Variants in TAAR5 observed in about 807,000 individuals in gnomAD.
The protein encoded by TAAR5 is trace amine-associated receptor 5.
Under a neutral mutation model 21.1 loss-of-function variants are expected in TAAR5, and 27 were observed. The observed-to-expected ratio is 1.28, with a 90% CI of 0.94 to 1.76. TAAR5 has a LOEUF of 1.76. TAAR5 is among the 40% of genes most tolerant of loss of function. The pLI is 0.00. For missense variants in TAAR5, 495 were observed against 405.6 expected, an observed-to-expected ratio of 1.22 and a Z score of -1.89; for synonymous variants, 203 against 167.5, an observed-to-expected ratio of 1.21 and a Z score of -1.64.
At chr6:132,593,801 T>C (rs1025416364), upstream of TAAR5, among the ~76,000 whole-genome samples, 1 of 152,192 alleles carries the variant, frequency 6.6e-6, no homozygotes, top group Non-Finnish European at 1.5e-5. Context: ...AGTAAGACAG[T>C]CCAATTTTAT....
the TAAR5 span, among the ~76,000 whole-genome samples, chr6:132,602,830 G>T: frequency 7.1e-6 from 1 of 141,116 alleles, no homozygotes; most frequent in Non-Finnish European, 1.5e-5. Context: ...TGATCAGAAA[G>T]GATTAGGGCT....
upstream of TAAR5, among the ~76,000 whole-genome samples, chr6:132,590,511 T>C (rs1388736571): frequency 6.6e-6 from 1 of 152,204 alleles, no homozygotes. Context: ...GGAATCAGAA[T>C]CCCTTCCTGG....
In TAAR5 at chr6:132,588,666, G is replaced by T. The variant is rs1582725572; in HGVS notation, c.*7C>A. ...TCCTACTCCTTGCCTGCATTTAGTA[G>T]AAGGAATCATTCTTGGTACAAATCA... On this transcript the variant is annotated 3_prime_UTR_variant, in exon 1 of 1. Transcript: ENST00000258034. 4 of 1,602,812 alleles carry T rather than the reference G, an allele frequency of 2.5e-6. No homozygotes were observed. The Admixed American group carries it at 5.0e-5, about 20-fold the overall frequency.
At chr6:132,613,322 G>A in the TAAR5 span, among the ~76,000 whole-genome samples, 6 of 152,218 alleles carry the variant, frequency 3.9e-5, no homozygotes, top group Non-Finnish European at 7.4e-5. Flanking sequence ...CTGTTTATAC[G>A]TTCAAAGTTG....
At chr6:132,614,572 G>A in the TAAR5 span, among the ~76,000 whole-genome samples, 2 of 152,242 alleles carry the variant, frequency 1.3e-5, no homozygotes, top group East Asian at 3.9e-4. Flanking sequence ...TATTGACCCA[G>A]TACCTTCCCT....
the TAAR5 span, among the ~76,000 whole-genome samples, chr6:132,601,314 C>A: frequency 6.6e-6 from 1 of 152,168 alleles, no homozygotes; most frequent in Non-Finnish European, 1.5e-5. Flanking sequence ...AATCAGATTT[C>A]TTTTACTTTA....
upstream of TAAR5, among the ~76,000 whole-genome samples, chr6:132,592,675 C>T (rs147458071): frequency 9.2e-5 from 14 of 152,302 alleles, no homozygotes; most frequent in East Asian, 2.7e-3. Context: ...CTCCCTTCTG[C>T]CTCTTCCTCC....
In TAAR5 at chr6:132,588,782, G is replaced by T. The variant is rs1472003597; in HGVS notation, c.905C>A (p.Pro302His). 3 of 1,614,060 alleles carry T rather than the reference G, an allele frequency of 1.9e-6. No homozygotes were observed. Among genetic ancestry groups the T allele is most frequent in the Non-Finnish European group, 2.5e-6 (3 of 1,180,004 alleles). ...CTGGTAGGAAAAGACATAGATGATGGGGTTGCAGGCTGAGTTGAAGTAAGC... is the reference window on the plus strand; with the variant it reads ...CTGGTAGGAAAAGACATAGATGATGTGGTTGCAGGCTGAGTTGAAGTAAGC... ...WFAYFNSACN[P>H]IIYVFSYQWF... The change falls in exon 1 of 1, where the codon CCC (proline) becomes CAC (histidine). Residue 302 changes from proline (P) to histidine (H), a missense_variant. Transcript: ENST00000258034.
upstream of TAAR5, among the ~76,000 whole-genome samples, chr6:132,593,655 T>C (rs1242045508): frequency 1.3e-5 from 2 of 152,158 alleles, no homozygotes; most frequent in African/African-American, 4.8e-5. Context: ...GGATAATGAA[T>C]ATATGTACAC....
upstream of TAAR5, among the ~76,000 whole-genome samples, chr6:132,590,724 C>A (rs1348887187): frequency 6.6e-6 from 1 of 152,176 alleles, no homozygotes; most frequent in African/African-American, 2.4e-5. Flanking sequence ...TTTAAGGTTC[C>A]TCCTCAATAC....
At chr6:132,590,779 C>T (rs550405381), upstream of TAAR5, among the ~76,000 whole-genome samples, 55 of 152,198 alleles carry the variant, frequency 3.6e-4, no homozygotes, top group Non-Finnish European at 5.4e-4. Context: ...AATTTAAAGA[C>T]GGTGGATGTA....
chr6:132,590,209 A>G (rs1776887181), upstream of TAAR5, among the ~76,000 whole-genome samples: 1 of 152,254 alleles, frequency 6.6e-6, no homozygotes, highest in African/African-American at 2.4e-5. Flanking sequence ...TTTAAGAATT[A>G]CATACATTGA....
the TAAR5 span, among the ~76,000 whole-genome samples, chr6:132,614,492 ATT>A: frequency 6.7e-6 from 1 of 148,440 alleles, no homozygotes; most frequent in Non-Finnish European, 1.5e-5. Context: ...AACTATCACT[ATT>A]CAATTATTTT....
chr6:132,600,039 G>A, the TAAR5 span, among the ~76,000 whole-genome samples: 1 of 152,114 alleles, frequency 6.6e-6, no homozygotes, highest in Non-Finnish European at 1.5e-5. Context: ...AACTGTAGGA[G>A]GCATCTACCT....
chr6:132,608,770 T>C, the TAAR5 span: 1 of 455,918 alleles, frequency 2.2e-6, no homozygotes, highest in Admixed American at 2.4e-5. Context: ...AACATCGGCC[T>C]CAGATAGAAC....
the TAAR5 span, among the ~76,000 whole-genome samples, chr6:132,615,626 CAGAG>C: frequency 1.3e-5 from 2 of 151,844 alleles, no homozygotes; most frequent in African/African-American, 4.8e-5. Flanking sequence ...GAAATGAAGA[CAGAG>C]TGAATGGTAG....
At chr6:132,613,930 A>G in the TAAR5 span, among the ~76,000 whole-genome samples, 1 of 152,216 alleles carries the variant, frequency 6.6e-6, no homozygotes, top group Non-Finnish European at 1.5e-5. Context: ...GAACTTAACA[A>G]TTGCCATTGC....
the TAAR5 span, among the ~76,000 whole-genome samples, chr6:132,610,942 C>A: frequency 3.3e-3 from 497 of 152,170 alleles, 5 homozygotes; most frequent in African/African-American, 0.011. Context: ...AGATCATCTT[C>A]TTGTAAACAA....
chr6:132,599,520 G>A, the TAAR5 span, among the ~76,000 whole-genome samples: 18 of 151,476 alleles, frequency 1.2e-4, no homozygotes, highest in African/African-American at 4.1e-4. Context: ...GTAGAGATGG[G>A]GTGTCACCAT....
Sources: allele counts gnomAD v4.1 joint callset (sites outside exome capture counted in the v4.1 genomes callset), GRCh38; gene constraint gnomAD v4.1.1; transcripts MANE v1.5; gene names NCBI Gene and HGNC (gene_info 2026-07-23, HGNC 2026-07-21).